The following PATJ variants were observed in gnomAD, a reference collection of about 807,000 sequenced individuals.
The protein encoded by PATJ is PATJ crumbs cell polarity complex component.
Under a neutral mutation model 224.9 loss-of-function variants are expected in PATJ, and 190 were observed. The ratio of observed to expected loss-of-function variants is 0.84; its 90% CI spans 0.75 to 0.95. The LOEUF is 0.95. Among genes scored for constraint, PATJ ranks in the 40% least tolerant of loss-of-function variants. PATJ has a pLI of 0.00. For synonymous variants in PATJ, 769 were observed against 820.3 expected (o/e 0.94, Z 1.07); for missense variants, 2,121 against 2,270.3 (o/e 0.93, Z 1.34).
At chr1:61,903,627 A>G (rs1340420179) in intron 24 of PATJ, among the ~76,000 whole-genome samples, 3 of 152,050 alleles carry the variant, frequency 2.0e-5, no homozygotes, top group Non-Finnish European at 4.4e-5. Context: ...TTTGCTGTAC[A>G]TATTTAGTGG....
chr1:61,894,222 C>G (rs987772717), intron 22 of PATJ, among the ~76,000 whole-genome samples: 4 of 151,550 alleles, frequency 2.6e-5, no homozygotes, highest in African/African-American at 9.7e-5. Flanking sequence ...CCATTGCACT[C>G]CAGCCTGGGC....
At position 61,965,121 on chromosome 1, in the gene PATJ, C is replaced by CAAAAAAAAAAAAAAAAAA. The variant is rs34267345; in HGVS notation, c.3671-25024_3671-25007dup. 2.6e-4 allele frequency among the ~76,000 whole-genome samples: 14 copies of CAAAAAAAAAAAAAAAAAA among 54,384 alleles called. 2 individuals carry two copies. The highest frequency in any genetic ancestry group is 2.7e-4 in the Non-Finnish European group (9 of 33,044). 35.7% of individuals were successfully genotyped at this position (54,384 alleles called of 152,430 possible). On this transcript the variant is annotated intron_variant, in intron 27 of 43. Transcript: ENST00000642238. ...TGGGCCACTGAAGGAGACTCTGTCT[C>CAAAAAAAAAAAAAAAAAA]AAAAAAAAAAAAAAAAAAAAAAAAA...
intron 17 of PATJ, among the ~76,000 whole-genome samples, chr1:61,843,671 G>A (rs868568123): frequency 8.8e-5 from 13 of 146,988 alleles, no homozygotes; most frequent in African/African-American, 2.8e-4. Flanking sequence ...AGTGAGCTGC[G>A]ATCACACCAC....
chr1:61,892,275 C>T (rs1033542825), intron 22 of PATJ, among the ~76,000 whole-genome samples: 64 of 152,130 alleles, frequency 4.2e-4, no homozygotes, highest in Non-Finnish European at 1.3e-4. Flanking sequence ...AATTGGAGCT[C>T]TCCCTGCTTC....
At position 61,979,190 on chromosome 1, in the gene PATJ, A is replaced by C. The variant is rs561767944; in HGVS notation, c.3671-10978A>C. On this transcript the variant is annotated intron_variant, in intron 27 of 43. Transcript: ENST00000642238. ...CTGGAATAAAGCCTGGTGCCAAAAGAAGTAGTTTACTTATCTACTCATCTC... is the reference window on the plus strand; with the variant it reads ...CTGGAATAAAGCCTGGTGCCAAAAGCAGTAGTTTACTTATCTACTCATCTC... Among the ~76,000 whole-genome samples the C allele has an allele frequency of 1.6e-4, 25 of 152,198 alleles. No homozygotes were observed. In the South Asian group the frequency reaches 5.0e-3, roughly 30 times the overall value.
chr1:62,000,125 G>A lies in PATJ; in HGVS notation c.3867+9761G>A, dbSNP rs1050439750. Reference sequence around the variant, plus strand: ...GCTGGTCTCGAACTCCTGACCTCAGGTGATCCTCCCGCCTCGGCCTCCCAA... The same window carrying A: ...GCTGGTCTCGAACTCCTGACCTCAGATGATCCTCCCGCCTCGGCCTCCCAA... On this transcript the variant is annotated intron_variant, in intron 28 of 43. Coordinates refer to ENST00000642238, the MANE Select transcript of PATJ (RefSeq NM_001350145.3). 2.0e-5 allele frequency among the ~76,000 whole-genome samples: 3 copies of A among 151,888 alleles called. No homozygotes were observed. In the South Asian group the frequency reaches 6.3e-4, roughly 32 times the overall value.
chr1:61,891,193 G>A (rs1669557583), intron 22 of PATJ, among the ~76,000 whole-genome samples: 1 of 152,148 alleles, frequency 6.6e-6, no homozygotes, highest in Admixed American at 6.5e-5. Flanking sequence ...AGTAGAGATG[G>A]CTTCAGGTAT....
intron 3 of PATJ, 126 bp downstream of exon 3, chr1:61,763,305 T>A: frequency 2.1e-6 from 1 of 487,186 alleles, no homozygotes; most frequent in Non-Finnish European, 3.5e-6. Flanking sequence ...AGAGACTGTA[T>A]TGGGACCTGT....
In PATJ at chr1:62,007,549, C is replaced by G. The variant is rs534733840; in HGVS notation, c.3868-10307C>G. The stretch of plus-strand genomic sequence containing the variant: ...TCAGTTAGATTTACAAATTAATATT[C>G]AGAATTAGCAGGAGCCTAAGAAACC... On this transcript the variant is annotated intron_variant, in intron 28 of 43. Coordinates refer to ENST00000642238, the MANE Select transcript of PATJ (RefSeq NM_001350145.3). Among the ~76,000 whole-genome samples the G allele has an allele frequency of 2.6e-5, 4 of 152,286 alleles. No individual in the cohort carries two copies. In the South Asian group the frequency reaches 8.3e-4, roughly 32 times the overall value.
At position 62,076,910 on chromosome 1, in the gene PATJ, A is replaced by T. The variant is rs141402917; in HGVS notation, c.4126-2540A>T. On this transcript the variant is annotated intron_variant, in intron 31 of 43. Coordinates refer to ENST00000642238, the MANE Select transcript of PATJ (RefSeq NM_001350145.3). ...AAGACACAGGCTCAATTGCTGCAAGAAGTTCTCTTTAGCATAAGAGTCTGT... is the reference window on the plus strand; with the variant it reads ...AAGACACAGGCTCAATTGCTGCAAGTAGTTCTCTTTAGCATAAGAGTCTGT... Among the ~76,000 whole-genome samples the T allele has an allele frequency of 2.3e-3, 347 of 152,310 alleles. 3 individuals are homozygous for T. The South Asian group carries it at 0.034, about 15-fold the overall frequency.
chr1:62,068,524 T>G (rs2148673812), intron 31 of PATJ, among the ~76,000 whole-genome samples: 1 of 152,306 alleles, frequency 6.6e-6, no homozygotes, highest in African/African-American at 2.4e-5. Context: ...AAGAGCTGAC[T>G]CTTCCCTTGG....
chr1:61,972,175 T>G (rs1571582448), intron 27 of PATJ, among the ~76,000 whole-genome samples: 1 of 151,990 alleles, frequency 6.6e-6, no homozygotes. Context: ...ATGTTTTATA[T>G]ATGCCTTATA....
intron 31 of PATJ, among the ~76,000 whole-genome samples, chr1:62,073,805 T>C (rs888416726): frequency 1.6e-4 from 25 of 152,196 alleles, no homozygotes; most frequent in African/African-American, 5.5e-4. Flanking sequence ...GCCTAAGCGA[T>C]ATACTGAGAC....
intron 39 of PATJ, among the ~76,000 whole-genome samples, 186 bp downstream of exon 39, chr1:62,123,244 CTA>C (rs1295959363): frequency 3.9e-5 from 6 of 152,004 alleles, no homozygotes; most frequent in Non-Finnish European, 7.4e-5. Context: ...GAGATGACCT[CTA>C]TGAATTTTTT....
At chr1:62,103,550 C>A (rs1369519793) in intron 33 of PATJ, among the ~76,000 whole-genome samples, 3 of 152,098 alleles carry the variant, frequency 2.0e-5, no homozygotes, top group Admixed American at 2.0e-4. Context: ...GCCAGGAGTT[C>A]AAGACCAGCT....
intron 43 of PATJ, among the ~76,000 whole-genome samples, chr1:62,159,837 C>T (rs1353704918): frequency 2.0e-5 from 3 of 152,164 alleles, no homozygotes; most frequent in Non-Finnish European, 4.4e-5. Flanking sequence ...AGCCACTGCA[C>T]CCAGCAGGTT....
intron 22 of PATJ, among the ~76,000 whole-genome samples, chr1:61,894,395 T>C (rs1473012404): frequency 6.6e-6 from 1 of 152,134 alleles, no homozygotes; most frequent in Non-Finnish European, 1.5e-5. Flanking sequence ...TACCCAAATC[T>C]CATCTCAAAT....
At chr1:62,136,685 G>T (rs1050238114) in intron 41 of PATJ, among the ~76,000 whole-genome samples, 4 of 147,218 alleles carry the variant, frequency 2.7e-5, no homozygotes, top group Middle Eastern at 3.2e-3. Context: ...GTGTGTGTGT[G>T]TGTGTGTCTG....
At chr1:61,880,581 A>C (rs1442555321) in intron 21 of PATJ, among the ~76,000 whole-genome samples, 1 of 152,220 alleles carries the variant, frequency 6.6e-6, no homozygotes, top group Non-Finnish European at 1.5e-5. Flanking sequence ...CGTAGAAGGT[A>C]TGCAAACCAA....
Sources: allele counts gnomAD v4.1 joint callset (sites outside exome capture counted in the v4.1 genomes callset), GRCh38; gene constraint gnomAD v4.1.1; transcripts MANE v1.5; gene names NCBI Gene and HGNC (gene_info 2026-07-23, HGNC 2026-07-21).